CCSER1: variants seen among roughly 807,000 people sequenced by gnomAD.
CCSER1 encodes serine-rich coiled-coil domain-containing protein 1.
In CCSER1, 41 loss-of-function variants were observed where a neutral mutation model predicts 82.0. The observed-to-expected ratio is 0.50, with a 90% CI of 0.39 to 0.65. The LOEUF (loss-of-function observed/expected upper bound fraction) is 0.65. Among genes scored for constraint, CCSER1 ranks in the 30% least tolerant of loss-of-function variants. The probability of loss-of-function intolerance (pLI) is 0.00; values close to 1 mark genes in which losing one functional copy is unlikely to be tolerated. For missense variants in CCSER1, 1,119 were observed against 1,064.2 expected, an observed-to-expected ratio of 1.05 and a Z score of -0.72; for synonymous variants, 414 against 383.9, an observed-to-expected ratio of 1.08 and a Z score of -0.92.
intron 10 of CCSER1, among the ~76,000 whole-genome samples, chr4:91,247,067 C>T (rs1310256175): frequency 6.6e-6 from 1 of 151,592 alleles, no homozygotes; most frequent in Non-Finnish European, 1.5e-5. Flanking sequence ...TTTGGGAGGC[C>T]GAGGCGGGTG....
intron 10 of CCSER1, among the ~76,000 whole-genome samples, chr4:91,433,844 T>G (rs1754475313): frequency 6.6e-6 from 1 of 152,234 alleles, no homozygotes; most frequent in Admixed American, 6.5e-5. Flanking sequence ...GCTCAGAGCC[T>G]AGAAAATGGT....
intron 5 of CCSER1, among the ~76,000 whole-genome samples, chr4:90,568,183 G>C (rs1205376121): frequency 6.6e-6 from 1 of 152,146 alleles, no homozygotes; most frequent in African/African-American, 2.4e-5. Flanking sequence ...AGATTTAGTT[G>C]ATCTAGATTA....
intron 10 of CCSER1, among the ~76,000 whole-genome samples, chr4:91,104,120 G>A (rs986799774): frequency 2.0e-4 from 30 of 152,138 alleles, no homozygotes; most frequent in African/African-American, 7.2e-4. Flanking sequence ...TGGTAATTTT[G>A]TGGTCAGATC....
At chr4:90,367,055 A>C (rs1391176749) in intron 3 of CCSER1, among the ~76,000 whole-genome samples, 3 of 151,954 alleles carry the variant, frequency 2.0e-5, no homozygotes, top group East Asian at 1.9e-4. Flanking sequence ...CATTGGAATG[A>C]TTACATGGTA....
intron 10 of CCSER1, among the ~76,000 whole-genome samples, chr4:91,164,851 T>C (rs1340727060): frequency 6.6e-6 from 1 of 152,220 alleles, no homozygotes; most frequent in Non-Finnish European, 1.5e-5. Flanking sequence ...TCAATGTTTT[T>C]AGCTTCTTTG....
At chr4:90,872,047 A>G (rs890516298) in intron 8 of CCSER1, among the ~76,000 whole-genome samples, 2 of 150,738 alleles carry the variant, frequency 1.3e-5, no homozygotes, top group Non-Finnish European at 3.0e-5. Flanking sequence ...TTTTCAGTGT[A>G]TGTGTGTGTT....
intron 4 of CCSER1, among the ~76,000 whole-genome samples, chr4:90,462,536 T>C (rs1763077479): frequency 6.6e-6 from 1 of 152,134 alleles, no homozygotes; most frequent in Admixed American, 6.5e-5. Context: ...TTTGAATAAT[T>C]GGGGCTTGTA....
intron 10 of CCSER1, among the ~76,000 whole-genome samples, chr4:91,572,581 TCTGCCAGAGAACAC>T (rs1334694476): frequency 1.3e-5 from 2 of 152,092 alleles, no homozygotes; most frequent in African/African-American, 4.8e-5. Context: ...CAACTCTCTT[TCTGCCAGAGAACAC>T]CTGCAGGTAT....
intron 3 of CCSER1, among the ~76,000 whole-genome samples, chr4:90,363,022 A>G (rs1392888877): frequency 6.6e-6 from 1 of 152,130 alleles, no homozygotes; most frequent in East Asian, 1.9e-4. Context: ...TTAATGTTGT[A>G]CTGACATGAG....
intron 3 of CCSER1, among the ~76,000 whole-genome samples, chr4:90,338,995 A>G (rs924662026): frequency 1.3e-5 from 2 of 152,194 alleles, no homozygotes; most frequent in Non-Finnish European, 2.9e-5. Context: ...AATAAATGAC[A>G]TGTTGCACAT....
chr4:91,210,143 C>G (rs763839251), intron 10 of CCSER1, among the ~76,000 whole-genome samples: 13 of 151,570 alleles, frequency 8.6e-5, no homozygotes, highest in East Asian at 1.9e-4. Context: ...TGAAAAGATT[C>G]CCACTTGCCA....
chr4:90,957,840 T>G (rs988471130), intron 9 of CCSER1, among the ~76,000 whole-genome samples: 1 of 151,212 alleles, frequency 6.6e-6, no homozygotes, highest in Non-Finnish European at 1.5e-5. Context: ...GCCTAACAGA[T>G]TATCACATAT....
intron 3 of CCSER1, among the ~76,000 whole-genome samples, chr4:90,321,978 T>A (rs974434683): frequency 6.6e-6 from 1 of 152,174 alleles, no homozygotes; most frequent in Non-Finnish European, 1.5e-5. Flanking sequence ...CAGAAGCTTT[T>A]TAGCTTGATG....
chr4:91,486,879 G>A (rs550917956), intron 10 of CCSER1, among the ~76,000 whole-genome samples: 33 of 152,080 alleles, frequency 2.2e-4, no homozygotes, highest in African/African-American at 7.0e-4. Context: ...TCTGCTCTTA[G>A]ATTTTTTCCT....
At chr4:90,931,403 C>T (rs1416670684) in intron 9 of CCSER1, among the ~76,000 whole-genome samples, 1 of 151,976 alleles carries the variant, frequency 6.6e-6, no homozygotes, top group East Asian at 1.9e-4. Flanking sequence ...GGAATATTTG[C>T]TGTCCATTTT....
chr4:90,276,251 T>TTTCTTTCTTCCTTTCC (rs1727659770), intron 1 of CCSER1, among the ~76,000 whole-genome samples: 2 of 76,828 alleles, frequency 2.6e-5, no homozygotes, highest in Admixed American at 1.5e-4. Flanking sequence ...TCTTTCTTTC[T>TTTCTTTCTTCCTTTCC]TTCCTTCCTT....
chr4:90,711,594 CGGCT>C (rs1428025331), intron 6 of CCSER1, among the ~76,000 whole-genome samples: 1 of 151,680 alleles, frequency 6.6e-6, no homozygotes, highest in Non-Finnish European at 1.5e-5. Context: ...GATAATCATG[CGGCT>C]TTCACTTTTG....
At chr4:90,529,885 A>G (rs1774276009) in intron 5 of CCSER1, among the ~76,000 whole-genome samples, 1 of 151,640 alleles carries the variant, frequency 6.6e-6, no homozygotes, top group East Asian at 1.9e-4. Flanking sequence ...TATCCCTCAA[A>G]TCACTTAGGA....
chr4:91,539,824 A>T (rs1351786720), intron 10 of CCSER1, among the ~76,000 whole-genome samples: 1 of 151,934 alleles, frequency 6.6e-6, no homozygotes, highest in Non-Finnish European at 1.5e-5. Flanking sequence ...TCATTCTATC[A>T]TTAGAGGTTT....
Sources: gnomAD v4.1 joint callset for allele counts (sites outside exome capture counted in the v4.1 genomes callset) on GRCh38, gnomAD v4.1.1 for gene constraint, MANE v1.5 for transcripts, NCBI Gene and HGNC (gene_info 2026-07-23, HGNC 2026-07-21) for gene names.